Variants in LDB2 observed in about 807,000 individuals in gnomAD.
LDB2 encodes LIM domain binding 2.
Under a neutral mutation model 44.3 loss-of-function variants are expected in LDB2, and 12 were observed. The observed-to-expected ratio is 0.27, with a 90% CI of 0.17 to 0.44. LDB2 has a LOEUF of 0.44. Among genes scored for constraint, LDB2 ranks in the 20% least tolerant of loss-of-function variants. LDB2 has a pLI of 1.00. For missense variants in LDB2, 344 were observed against 473.5 expected, an observed-to-expected ratio of 0.73 and a Z score of 2.54; for synonymous variants, 164 against 174.8, an observed-to-expected ratio of 0.94 and a Z score of 0.49.
At chr4:16,669,200 T>A (rs1254211361) in intron 2 of LDB2, among the ~76,000 whole-genome samples, 1 of 152,156 alleles carries the variant, frequency 6.6e-6, no homozygotes, top group African/African-American at 2.4e-5. Flanking sequence ...GTCAGAATGA[T>A]TATGTAATTT....
chr4:16,783,570 C>A (rs1342429019), intron 1 of LDB2, among the ~76,000 whole-genome samples: 4 of 152,238 alleles, frequency 2.6e-5, no homozygotes, highest in Admixed American at 2.6e-4. Flanking sequence ...TTATGGAGAT[C>A]ATGTCTCTGG....
intron 5 of LDB2, among the ~76,000 whole-genome samples, chr4:16,534,299 C>A (rs114075680): frequency 9.9e-5 from 15 of 152,226 alleles, no homozygotes; most frequent in Non-Finnish European, 1.9e-4. Flanking sequence ...CATCCTAAAC[C>A]CATGGAGTAT....
chr4:16,734,209 T>C (rs1160854304), intron 2 of LDB2, among the ~76,000 whole-genome samples: 4 of 152,194 alleles, frequency 2.6e-5, no homozygotes, highest in Non-Finnish European at 4.4e-5. Flanking sequence ...ACAGTGATGA[T>C]GGCTAATAAA....
intron 5 of LDB2, among the ~76,000 whole-genome samples, chr4:16,536,669 C>T (rs1413236768): frequency 1.3e-5 from 2 of 152,164 alleles, no homozygotes; most frequent in Non-Finnish European, 2.9e-5. Context: ...GTTCTGCCAC[C>T]GTTGGGAATC....
chr4:16,808,009 T>G (rs1779101905), intron 1 of LDB2, among the ~76,000 whole-genome samples: 1 of 151,928 alleles, frequency 6.6e-6, no homozygotes, highest in Non-Finnish European at 1.5e-5. Context: ...CCCAATTTCA[T>G]ATGTCAAAGG....
Position 16,850,947 on chromosome 4 carries a change from A to AATGT in LDB2, c.132+47406_132+47407insACAT, listed in dbSNP as rs71649986. Reference sequence around the variant, plus strand: ...GATATAGGTAATAGTTAAAACCATAAGTGTGTGTGTGTGTGTGTGTGTGTG... The same window carrying AATGT: ...GATATAGGTAATAGTTAAAACCATAAATGTGTGTGTGTGTGTGTGTGTGTGTGTG... On this transcript the variant is annotated intron_variant, in intron 1 of 7. Coordinates refer to ENST00000304523, the MANE Select transcript of LDB2 (RefSeq NM_001290.5). 9.8e-5 allele frequency among the ~76,000 whole-genome samples: 14 copies of AATGT among 143,178 alleles called. No individual in the cohort carries two copies. In the East Asian group the frequency reaches 2.5e-3, roughly 26 times the overall value. The allele number at this position is 143,178 out of a possible 152,430, so 93.9% of individuals were successfully genotyped here.
chr4:16,627,022 C>G (rs1189271962), intron 2 of LDB2: 1 of 152,118 alleles, frequency 6.6e-6, no homozygotes. Context: ...GTTACTGCTG[C>G]TGTGTTAAAA....
chr4:16,730,327 C>T (rs1413670495), intron 2 of LDB2, among the ~76,000 whole-genome samples: 2 of 152,102 alleles, frequency 1.3e-5, no homozygotes, highest in African/African-American at 4.8e-5. Flanking sequence ...ATCATAGTTA[C>T]GACTTTGTAT....
intron 1 of LDB2, among the ~76,000 whole-genome samples, chr4:16,801,216 G>A (rs572339352): frequency 6.6e-6 from 1 of 152,272 alleles, no homozygotes; most frequent in South Asian, 2.1e-4. Flanking sequence ...AGCCCATCCT[G>A]TAAGCTCTTA....
chr4:16,898,257 G>T, intron 1 of LDB2, 97 bp downstream of exon 1: 1 of 1,239,600 alleles, frequency 8.1e-7, no homozygotes, highest in Non-Finnish European at 1.1e-6. Flanking sequence ...GTATCAAGTG[G>T]GACACTTCCC....
At chr4:16,782,524 G>A (rs535585255) in intron 1 of LDB2, among the ~76,000 whole-genome samples, 1 of 152,014 alleles carries the variant, frequency 6.6e-6, no homozygotes, top group Admixed American at 6.6e-5. Flanking sequence ...CTAAGTTTTT[G>A]TATTTTTAGT....
intron 2 of LDB2, among the ~76,000 whole-genome samples, chr4:16,701,760 G>A (rs1284051321): frequency 6.6e-6 from 1 of 152,138 alleles, no homozygotes. Context: ...TTCTAACACT[G>A]AGTAATATTG....
chr4:16,588,910 C>T (rs931558312), intron 3 of LDB2, 78 bp from the exon 4 acceptor site: 25 of 1,519,678 alleles, frequency 1.6e-5, no homozygotes, highest in South Asian at 1.1e-4. Context: ...AGCCACTCAG[C>T]GTGGTCTCCC....
chr4:16,854,685 C>T (rs1788980567), intron 1 of LDB2, among the ~76,000 whole-genome samples: 2 of 149,040 alleles, frequency 1.3e-5, no homozygotes, highest in African/African-American at 2.5e-5. Flanking sequence ...TTATATATAA[C>T]TATTACATAT....
intron 1 of LDB2, among the ~76,000 whole-genome samples, chr4:16,897,651 T>G (rs983689140): frequency 6.6e-6 from 1 of 151,906 alleles, no homozygotes; most frequent in Non-Finnish European, 1.5e-5. Context: ...CTGAACCAGC[T>G]CCTGTCCTAA....
intron 2 of LDB2, among the ~76,000 whole-genome samples, chr4:16,715,312 T>A (rs1456956113): frequency 2.6e-5 from 4 of 152,228 alleles, no homozygotes; most frequent in South Asian, 2.1e-4. Flanking sequence ...ATAGGTACTA[T>A]CATATTTCAA....
rs540008317 is a variant in LDB2 at position 16,504,925 on chromosome 4, G to A, written c.892-2052C>T. Reference sequence around the variant, plus strand: ...GGCTTGGAAAACACATGCGTAAGGCGTCACAGGGCAGGAGAAGGATGTTAA... The same window carrying A: ...GGCTTGGAAAACACATGCGTAAGGCATCACAGGGCAGGAGAAGGATGTTAA... On this transcript the variant is annotated intron_variant, in intron 7 of 7. Transcript: ENST00000304523. 1.4e-4 allele frequency among the ~76,000 whole-genome samples: 21 copies of A among 152,336 alleles called. No individual in the cohort carries two copies. In the East Asian group the frequency reaches 2.3e-3, roughly 17 times the overall value.
intron 5 of LDB2, among the ~76,000 whole-genome samples, chr4:16,553,665 C>T (rs1424287551): frequency 3.3e-5 from 5 of 152,168 alleles, no homozygotes; most frequent in African/African-American, 4.8e-5. Flanking sequence ...CTATCAGTTA[C>T]CTTAGGCTTA....
intron 1 of LDB2, among the ~76,000 whole-genome samples, chr4:16,817,264 TGATA>T (rs1781123961): frequency 1.3e-5 from 2 of 152,228 alleles, no homozygotes; most frequent in Admixed American, 6.5e-5. Flanking sequence ...TACTCTCTCC[TGATA>T]GAGAGATATA....
Sources: gnomAD v4.1 joint callset for allele counts (sites outside exome capture counted in the v4.1 genomes callset) on GRCh38, gnomAD v4.1.1 for gene constraint, MANE v1.5 for transcripts, NCBI Gene and HGNC (gene_info 2026-07-23, HGNC 2026-07-21) for gene names.